EPB41L5: variants seen among roughly 807,000 people sequenced by gnomAD.
The protein encoded by EPB41L5 is band 4.1-like protein 5.
EPB41L5 carries 55 observed loss-of-function variants against 106.6 expected under a neutral mutation model. The observed-to-expected ratio is 0.52, with a 90% confidence interval of 0.42 to 0.65. The LOEUF is 0.65. Ranked by LOEUF, EPB41L5 falls within the 30% of genes least tolerant of loss-of-function variation. The pLI is 0.00. For missense variants in EPB41L5, 871 were observed against 882.1 expected, an observed-to-expected ratio of 0.99 and a Z score of 0.16; for synonymous variants, 297 against 306.7, an observed-to-expected ratio of 0.97 and a Z score of 0.33.
intron 24 of EPB41L5, among the ~76,000 whole-genome samples, chr2:120,170,980 T>A (rs907092591): frequency 7.2e-5 from 11 of 152,218 alleles, no homozygotes; most frequent in Non-Finnish European, 1.3e-4. Context: ...ACTCATGCCT[T>A]ATGTGCTTTA....
intron 16 of EPB41L5, chr2:120,105,276 T>C (rs2105410995): frequency 1.0e-6 from 1 of 973,998 alleles, no homozygotes; most frequent in South Asian, 4.8e-5. Flanking sequence ...TAGTTTTCTT[T>C]TATATTTTAG....
intron 1 of EPB41L5, among the ~76,000 whole-genome samples, chr2:120,015,336 A>AT (rs35112934): frequency 2.6e-5 from 4 of 151,240 alleles, no homozygotes; most frequent in Non-Finnish European, 5.9e-5. Context: ...AAAAAAAAAA[A>AT]TTAGGTGGGG....
chr2:120,048,539 T>TTGCG (rs1679988213), intron 3 of EPB41L5, among the ~76,000 whole-genome samples: 1 of 152,146 alleles, frequency 6.6e-6, no homozygotes, highest in Admixed American at 6.5e-5. Context: ...GTCTATTTGA[T>TTGCG]TCTTCTGTCT....
chr2:120,175,037 C>T lies in EPB41L5; in HGVS notation c.*130C>T. The T allele has an allele frequency of 1.1e-6, 1 of 877,602 alleles. No homozygotes were observed. The highest frequency in any genetic ancestry group is 1.9e-6 in the Non-Finnish European group (1 of 525,834). 54.4% of individuals were successfully genotyped at this position (877,602 alleles called of 1,614,324 possible). On this transcript the variant is annotated 3_prime_UTR_variant, in exon 25 of 25. Coordinates refer to ENST00000263713, the MANE Select transcript of EPB41L5 (RefSeq NM_020909.4). ...AAGCTGCACGTAGATTTGACTTCAACTCCGTAAAAAAGACAGCTGTATTTT... is the reference window on the plus strand; with the variant it reads ...AAGCTGCACGTAGATTTGACTTCAATTCCGTAAAAAAGACAGCTGTATTTT...
At chr2:120,147,516 T>C (rs982325713) in intron 20 of EPB41L5, among the ~76,000 whole-genome samples, 1 of 149,002 alleles carries the variant, frequency 6.7e-6, no homozygotes, top group African/African-American at 2.5e-5. Flanking sequence ...TCCCAGCTAC[T>C]GGGGAGGCCA....
rs575155417 is a variant in EPB41L5, at chr2:120,054,310, C to T, written c.285+12200C>T. Among the ~76,000 whole-genome samples the T allele has an allele frequency of 2.6e-5, 4 of 152,274 alleles. No individual in the cohort carries two copies. The South Asian group carries it at 8.3e-4, about 32-fold the overall frequency. On this transcript the variant is annotated intron_variant, in intron 3 of 24. Coordinates refer to ENST00000263713, the MANE Select transcript of EPB41L5 (RefSeq NM_020909.4). ...TTCTTTGTATTTTCTGGGTACTCAG[C>T]CCTAGTCAGATACATCTGCAAACTT...
chr2:120,037,098 A>G (rs1411132305), intron 2 of EPB41L5, among the ~76,000 whole-genome samples: 2 of 152,114 alleles, frequency 1.3e-5, no homozygotes, highest in Non-Finnish European at 2.9e-5. Flanking sequence ...TTGCAGGAAA[A>G]AAAAACCTTA....
intron 20 of EPB41L5, among the ~76,000 whole-genome samples, chr2:120,157,874 A>G (rs927460343): frequency 1.3e-5 from 2 of 152,094 alleles, no homozygotes; most frequent in African/African-American, 4.8e-5. Context: ...TGAAGAAAAG[A>G]GAGAGGATCT....
chr2:120,139,611 A>G (rs189495757), intron 18 of EPB41L5, among the ~76,000 whole-genome samples: 2 of 152,266 alleles, frequency 1.3e-5, no homozygotes, highest in African/African-American at 2.4e-5. Flanking sequence ...AGAAATGCCA[A>G]TCAAAACTCC....
intron 16 of EPB41L5, among the ~76,000 whole-genome samples, chr2:120,116,403 A>G (rs1684949452): frequency 6.6e-6 from 1 of 152,180 alleles, no homozygotes; most frequent in African/African-American, 2.4e-5. Context: ...AGTCTTCTGC[A>G]CCAATCTGGT....
intron 16 of EPB41L5, chr2:120,106,835 A>G: frequency 7.1e-6 from 7 of 985,324 alleles, no homozygotes; most frequent in Non-Finnish European, 8.4e-6. Flanking sequence ...GTAAGATCTA[A>G]CATTTCTGAC....
chr2:120,078,090 C>G (rs1413707888), intron 9 of EPB41L5, among the ~76,000 whole-genome samples: 1 of 152,080 alleles, frequency 6.6e-6, no homozygotes, highest in African/African-American at 2.4e-5. Flanking sequence ...CCCACCAGGC[C>G]CCTCCTCCAA....
At chr2:120,018,367 C>G (rs1304441298) in intron 1 of EPB41L5, among the ~76,000 whole-genome samples, 1 of 152,062 alleles carries the variant, frequency 6.6e-6, no homozygotes, top group African/African-American at 2.4e-5. Flanking sequence ...TTTAGAAGAC[C>G]TGATGAACTT....
intron 3 of EPB41L5, among the ~76,000 whole-genome samples, chr2:120,053,962 C>G (rs1303008004): frequency 6.6e-6 from 1 of 152,032 alleles, no homozygotes; most frequent in African/African-American, 2.4e-5. Flanking sequence ...TTGGGAGGCT[C>G]AGGTAGGAGG....
chr2:120,072,097 A>T (rs1681910096), intron 3 of EPB41L5, among the ~76,000 whole-genome samples: 1 of 152,220 alleles, frequency 6.6e-6, no homozygotes, highest in African/African-American at 2.4e-5. Context: ...TCCAGAAAAA[A>T]ACAACCCCAT....
intron 10 of EPB41L5, among the ~76,000 whole-genome samples, chr2:120,080,141 G>A (rs1326115773): frequency 6.6e-6 from 1 of 151,190 alleles, no homozygotes; most frequent in Non-Finnish European, 1.5e-5. Flanking sequence ...TAAGTTCTAG[G>A]GTACATGTGC....
chr2:120,115,447 C>T (rs1684903008), intron 16 of EPB41L5, among the ~76,000 whole-genome samples: 1 of 152,248 alleles, frequency 6.6e-6, no homozygotes, highest in Non-Finnish European at 1.5e-5. Flanking sequence ...CTCTGTCACC[C>T]AGCCGGGAGT....
At chr2:120,169,471 AC>A (rs1389778675) in intron 24 of EPB41L5, among the ~76,000 whole-genome samples, 9 of 152,360 alleles carry the variant, frequency 5.9e-5, no homozygotes, top group African/African-American at 1.9e-4. Flanking sequence ...CTTTAGTCTT[AC>A]AGGAAAAAAA....
chr2:120,029,387 G>A (rs914402317), intron 2 of EPB41L5, among the ~76,000 whole-genome samples: 1 of 152,092 alleles, frequency 6.6e-6, no homozygotes, highest in African/African-American at 2.4e-5. Flanking sequence ...TACAAATTTT[G>A]TATTTCGTAT....
Sources: gnomAD v4.1 joint callset for allele counts (sites outside exome capture counted in the v4.1 genomes callset) on GRCh38, gnomAD v4.1.1 for gene constraint, MANE v1.5 for transcripts, NCBI Gene and HGNC (gene_info 2026-07-23, HGNC 2026-07-21) for gene names.